Variants in LRMDA observed in about 807,000 individuals in gnomAD.
The protein encoded by LRMDA is leucine rich melanocyte differentiation associated, also known as leucine-rich melanocyte differentiation-associated protein.
Under a neutral mutation model 29.8 loss-of-function variants are expected in LRMDA, and 18 were observed. The observed-to-expected ratio is 0.60, with a 90% CI of 0.42 to 0.90. The LOEUF is 0.90. LRMDA is among the 40% of genes least tolerant of loss of function. The probability of loss-of-function intolerance (pLI) is 0.00; values close to 1 mark genes in which losing one functional copy is unlikely to be tolerated. For synonymous variants in LRMDA, 125 were observed against 109.4 expected (o/e 1.14, Z -0.89); for missense variants, 273 against 273.9 (o/e 1.00, Z 0.02).
intron 5 of LRMDA, among the ~76,000 whole-genome samples, chr10:76,080,380 C>T (rs939852466): frequency 3.3e-5 from 5 of 152,172 alleles, no homozygotes; most frequent in African/African-American, 1.2e-4. Context: ...TAGGGATGGT[C>T]CTATATTATC....
rs138482960 is a variant in LRMDA at position 76,170,316 on chromosome 10, T to C, written c.516+111533T>C. Among the ~76,000 whole-genome samples the C allele has an allele frequency of 3.2e-3, 485 of 152,366 alleles. 5 individuals carry two copies. Among genetic ancestry groups the C allele is most frequent in the African/African-American group, 0.011 (443 of 41,584 alleles). The stretch of plus-strand genomic sequence containing the variant: ...TTGCCAAATGGGCATGTCTTTAAGA[T>C]ATAACCATAGGTATATGGTGAAGTC... On this transcript the variant is annotated intron_variant, in intron 5 of 6. Transcript: ENST00000611255.
intron 2 of LRMDA, among the ~76,000 whole-genome samples, chr10:75,467,120 A>G (rs543712720): frequency 6.6e-6 from 1 of 152,310 alleles, no homozygotes; most frequent in South Asian, 2.1e-4. Context: ...GGATGCATCA[A>G]GTACGACGAC....
chr10:75,888,049 A>T (rs1457282897), intron 2 of LRMDA, among the ~76,000 whole-genome samples: 1 of 152,138 alleles, frequency 6.6e-6, no homozygotes, highest in Non-Finnish European at 1.5e-5. Context: ...AAAACATCTA[A>T]CCATCTGCTT....
chr10:76,223,124 G>A (rs1378900267), intron 5 of LRMDA, among the ~76,000 whole-genome samples: 1 of 151,704 alleles, frequency 6.6e-6, no homozygotes, highest in African/African-American at 2.4e-5. Flanking sequence ...TGTGGGGTGG[G>A]GGGAGTGGGG....
At chr10:76,478,455 T>A (rs973011154) in intron 6 of LRMDA, among the ~76,000 whole-genome samples, 1 of 152,154 alleles carries the variant, frequency 6.6e-6, no homozygotes, top group Non-Finnish European at 1.5e-5. Context: ...GATGGGACTG[T>A]AAACTAGTTC....
chr10:75,618,807 A>G (rs558630538), intron 2 of LRMDA, among the ~76,000 whole-genome samples: 1 of 145,384 alleles, frequency 6.9e-6, no homozygotes, highest in Admixed American at 6.9e-5. Context: ...ATGGAATTTC[A>G]CTCTTGTTGC....
intron 5 of LRMDA, among the ~76,000 whole-genome samples, chr10:76,113,513 A>T (rs1393179245): frequency 6.6e-6 from 1 of 152,058 alleles, no homozygotes; most frequent in Non-Finnish European, 1.5e-5. Flanking sequence ...ATCAGAACAG[A>T]GTGTTGGTGA....
chr10:76,479,188 T>C (rs1468624849), intron 6 of LRMDA, among the ~76,000 whole-genome samples: 1 of 151,994 alleles, frequency 6.6e-6, no homozygotes, highest in East Asian at 1.9e-4. Context: ...TGCTTTTTCC[T>C]ACCAATATGA....
At chr10:76,477,978 G>C (rs1166717033) in intron 6 of LRMDA, among the ~76,000 whole-genome samples, 1 of 152,120 alleles carries the variant, frequency 6.6e-6, no homozygotes. Flanking sequence ...ATACCATTGA[G>C]GACATAGGCA....
intron 6 of LRMDA, among the ~76,000 whole-genome samples, chr10:76,466,285 A>G (rs2132312675): frequency 6.6e-6 from 1 of 152,238 alleles, no homozygotes; most frequent in East Asian, 1.9e-4. Context: ...ACTGGCAAGT[A>G]TGAGGGGTAG....
rs1008874651 is a variant in LRMDA, at chr10:75,884,518, TAAG to T, written c.132-151482_132-151480del. ...GATCTAGCAGAAGCAGATGGAGAAC[TAAG>T]AAGAAGATCAGAAACTAAGATGACT... On this transcript the variant is annotated intron_variant, in intron 2 of 6. Transcript: ENST00000611255. Among the ~76,000 whole-genome samples, 4 of 152,244 alleles carry T rather than the reference TAAG, an allele frequency of 2.6e-5. No individual in the cohort carries two copies. The South Asian group carries it at 8.3e-4, about 32-fold the overall frequency.
At chr10:75,467,646 C>T (rs1844669405) in intron 2 of LRMDA, among the ~76,000 whole-genome samples, 1 of 152,020 alleles carries the variant, frequency 6.6e-6, no homozygotes, top group Admixed American at 6.6e-5. Context: ...ATTGTGGGGA[C>T]AGGACAGTAT....
chr10:76,529,287 G>T (rs1002938349), intron 6 of LRMDA, among the ~76,000 whole-genome samples: 1 of 152,136 alleles, frequency 6.6e-6, no homozygotes, highest in Non-Finnish European at 1.5e-5. Context: ...TTTTGGAAAG[G>T]CTTAGTATGC....
At chr10:76,488,337 G>GTCTGCC (rs934468659) in intron 6 of LRMDA, among the ~76,000 whole-genome samples, 3 of 151,732 alleles carry the variant, frequency 2.0e-5, no homozygotes, top group African/African-American at 4.8e-5. Flanking sequence ...CTCCTTCCCT[G>GTCTGCC]TCTGCCTCTG....
intron 2 of LRMDA, among the ~76,000 whole-genome samples, chr10:75,523,396 A>G (rs1845383206): frequency 6.6e-6 from 1 of 152,180 alleles, no homozygotes; most frequent in Non-Finnish European, 1.5e-5. Context: ...GGAGAAAAAG[A>G]GCTCATAAAA....
At chr10:75,523,204 T>C (rs1383508604) in intron 2 of LRMDA, among the ~76,000 whole-genome samples, 1 of 152,192 alleles carries the variant, frequency 6.6e-6, no homozygotes, top group Non-Finnish European at 1.5e-5. Flanking sequence ...TTGTTGCTGC[T>C]ACTACTGGCT....
chr10:76,087,255 A>C (rs1345910831), intron 5 of LRMDA, among the ~76,000 whole-genome samples: 1 of 152,162 alleles, frequency 6.6e-6, no homozygotes, highest in East Asian at 1.9e-4. Flanking sequence ...AGTGTAGGGC[A>C]GAACTGTTTG....
At chr10:75,469,919 T>C (rs1844706183) in intron 2 of LRMDA, among the ~76,000 whole-genome samples, 1 of 152,216 alleles carries the variant, frequency 6.6e-6, no homozygotes, top group Non-Finnish European at 1.5e-5. Flanking sequence ...TTGTCTATTG[T>C]GTGTGGTGGC....
chr10:76,466,603 C>A (rs1842566818), intron 6 of LRMDA, among the ~76,000 whole-genome samples: 1 of 152,044 alleles, frequency 6.6e-6, no homozygotes, highest in Non-Finnish European at 1.5e-5. Context: ...TGAGACCAGC[C>A]TGGGCAACAT....
Sources: allele counts gnomAD v4.1 joint callset (sites outside exome capture counted in the v4.1 genomes callset), GRCh38; gene constraint gnomAD v4.1.1; transcripts MANE v1.5; gene names NCBI Gene and HGNC (gene_info 2026-07-23, HGNC 2026-07-21).